The following RTTN variants were observed in gnomAD, a reference collection of about 807,000 sequenced individuals.
The protein encoded by RTTN is rotatin.
A neutral mutation model predicts 269.2 loss-of-function variants in RTTN; 182 were observed. The ratio of observed to expected loss-of-function variants is 0.68; its 90% CI spans 0.60 to 0.76. The LOEUF is 0.76. Among genes scored for constraint, RTTN ranks in the 30% least tolerant of loss-of-function variants. The pLI is 0.00. For synonymous variants in RTTN, 1,006 were observed against 963.5 expected, an observed-to-expected ratio of 1.04 and a Z score of -0.82; for missense variants, 2,545 against 2,608.6, an observed-to-expected ratio of 0.98 and a Z score of 0.53.
At chr18:70,014,900 T>C (rs1483430616) in intron 46 of RTTN, among the ~76,000 whole-genome samples, 1 of 152,118 alleles carries the variant, frequency 6.6e-6, no homozygotes, top group Non-Finnish European at 1.5e-5. Context: ...GGCAAAATAA[T>C]TTTCTATATA....
At chr18:70,022,580 G>T (rs1433400979) in intron 44 of RTTN, among the ~76,000 whole-genome samples, 1 of 152,164 alleles carries the variant, frequency 6.6e-6, no homozygotes, top group Non-Finnish European at 1.5e-5. Flanking sequence ...TTTTGGAAAA[G>T]CTGTCTCCTC....
At chr18:70,029,163 C>CAA (rs35814962) in intron 42 of RTTN, among the ~76,000 whole-genome samples, 3 of 112,774 alleles carry the variant, frequency 2.7e-5, no homozygotes, top group African/African-American at 7.3e-5. Context: ...GGAAAAGAGG[C>CAA]AAAAAAAAAA....
At chr18:70,086,089 G>A (rs1030955177) in intron 32 of RTTN, among the ~76,000 whole-genome samples, 2 of 151,856 alleles carry the variant, frequency 1.3e-5, no homozygotes, top group East Asian at 1.9e-4. Context: ...ACTATAACCC[G>A]CACTGTGCAC....
chr18:70,150,028 T>TGTC lies in RTTN; in HGVS notation c.2112_2114dup (p.Thr705dup). ...CAATAAACTTGTTCCAGGTCAATGC[T>TGTC]GTCATCATCAATCGTCCCTGAAGCA... On this transcript the variant is annotated inframe_insertion, in exon 16 of 49. Coordinates refer to ENST00000640769, the MANE Select transcript of RTTN (RefSeq NM_173630.4). The TGTC allele has an allele frequency of 1.9e-6, 3 of 1,613,486 alleles. No individual in the cohort carries two copies. Among genetic ancestry groups the TGTC allele is most frequent in the Non-Finnish European group, 2.5e-6 (3 of 1,179,534 alleles).
chr18:70,139,501 C>A, intron 21 of RTTN, 98 bp downstream of exon 21: 1 of 736,720 alleles, frequency 1.4e-6, no homozygotes, highest in Non-Finnish European at 2.3e-6. Context: ...TGCTGTTGTT[C>A]TAATAGTAAA....
chr18:70,041,458 C>G (rs2057338062), intron 40 of RTTN, among the ~76,000 whole-genome samples: 1 of 151,892 alleles, frequency 6.6e-6, no homozygotes, highest in African/African-American at 2.4e-5. Context: ...GCTTGGGAAA[C>G]TTGAATTCTA....
At chr18:70,192,036 C>T (rs1489741015) in intron 8 of RTTN, among the ~76,000 whole-genome samples, 1 of 152,194 alleles carries the variant, frequency 6.6e-6, no homozygotes, top group Non-Finnish European at 1.5e-5. Context: ...TCTTTACCAA[C>T]TGTTATGCTC....
At chr18:70,140,277 C>A (rs2060223925) in intron 19 of RTTN, 89 bp from the exon 20 acceptor site, 4 of 716,648 alleles carry the variant, frequency 5.6e-6, no homozygotes, top group Non-Finnish European at 4.8e-6. Context: ...GATATCCACA[C>A]AACCTTCAAA....
chr18:70,192,729 G>A (rs1356576023), intron 8 of RTTN, among the ~76,000 whole-genome samples: 2 of 146,120 alleles, frequency 1.4e-5, no homozygotes, highest in African/African-American at 5.0e-5. Flanking sequence ...ACCATAAATT[G>A]TTCACCTTGA....
At chr18:70,126,545 T>C (rs2059869973) in intron 25 of RTTN, among the ~76,000 whole-genome samples, 1 of 152,088 alleles carries the variant, frequency 6.6e-6, no homozygotes, top group Admixed American at 6.6e-5. Context: ...ATAAAATACA[T>C]ACCCCTGTAG....
chr18:70,028,759 G>C lies in RTTN; in HGVS notation c.5788C>G (p.Leu1930Val). 6.2e-7 allele frequency: 1 copy of C among 1,611,656 alleles called. No homozygotes were observed. The highest frequency in any genetic ancestry group is 8.5e-7 in the Non-Finnish European group (1 of 1,178,706). The change falls in exon 43 of 49, where the codon CTA (leucine) becomes GTA (valine). Residue 1930 changes from leucine to valine, a missense_variant. Leu to Val is a conservative substitution (Grantham distance 32). Transcript: ENST00000640769. Reference sequence around the variant, plus strand: ...TCATTTTGATAAAGACAGTTTCTTAGGAGCTGCATGGCAATGCTTAACTCT... The same window carrying C: ...TCATTTTGATAAAGACAGTTTCTTACGAGCTGCATGGCAATGCTTAACTCT... The part of the protein sequence containing the change: ...IKELSIAMQL[L>V]RNCLYQNEEC...
chr18:70,193,482 T>C (rs1421922561), intron 7 of RTTN, 29 bp from the exon 8 acceptor site: 57 of 1,430,996 alleles, frequency 4.0e-5, no homozygotes, highest in Non-Finnish European at 5.3e-5. Context: ...AATAAAATTA[T>C]TCTTTAGTAG....
chr18:70,123,273 T>C (rs9945405), intron 25 of RTTN, among the ~76,000 whole-genome samples: 2,942 of 152,242 alleles, frequency 0.019, 81 homozygotes, highest in African/African-American at 0.067. Context: ...GACACATGTA[T>C]ACATTGTGGA....
intron 26 of RTTN, 60 bp from the exon 27 acceptor site, chr18:70,114,659 A>G: frequency 5.9e-6 from 9 of 1,515,934 alleles, no homozygotes; most frequent in Non-Finnish European, 8.0e-6. Context: ...TGTTTCCTAT[A>G]AAGGGTTTGG....
intron 30 of RTTN, among the ~76,000 whole-genome samples, chr18:70,089,875 G>T (rs1191555013): frequency 1.3e-5 from 2 of 152,072 alleles, no homozygotes; most frequent in Admixed American, 1.3e-4. Context: ...AAATGCAAAG[G>T]GAGAGAGATG....
chr18:70,052,714 TATA>T (rs2057708941), intron 38 of RTTN, among the ~76,000 whole-genome samples: 1 of 150,018 alleles, frequency 6.7e-6, no homozygotes. Context: ...ACAACAGCAA[TATA>T]ATAAATTCTT....
rs779474103 is a variant in RTTN, at chr18:70,168,912, T to G, written c.1632A>C (p.Ala544=). 1 of 1,613,454 alleles carries G rather than the reference T, an allele frequency of 6.2e-7. No homozygotes were observed. Among genetic ancestry groups the G allele is most frequent in the Admixed American group, 1.7e-5 (1 of 60,016 alleles). Residue 544 remains alanine, a synonymous_variant, in exon 12 of 49, where the codon GCA becomes GCC. Transcript: ENST00000640769. The part of the protein sequence containing the change: ...SENYSIYKRT[A]EAVYSIECTC... ...TGCATTCAATTGAATAAACGGCCTC[T>G]GCAGTTCGTTTATAAATACTGTAGT...
chr18:70,033,786 T>C (rs1173380798), intron 40 of RTTN, among the ~76,000 whole-genome samples: 3 of 151,708 alleles, frequency 2.0e-5, no homozygotes, highest in Non-Finnish European at 4.4e-5. Context: ...AGGAGCCAGT[T>C]TTTTGAAAAA....
intron 35 of RTTN, among the ~76,000 whole-genome samples, chr18:70,060,460 T>G (rs918397357): frequency 6.6e-6 from 1 of 152,180 alleles, no homozygotes; most frequent in Non-Finnish European, 1.5e-5. Context: ...ATTTTTATTA[T>G]TTTTAAATTT....
Sources: allele counts gnomAD v4.1 joint callset (sites outside exome capture counted in the v4.1 genomes callset), GRCh38; gene constraint gnomAD v4.1.1; transcripts MANE v1.5; gene names NCBI Gene and HGNC (gene_info 2026-07-23, HGNC 2026-07-21).